Variants in DAW1 observed in about 807,000 individuals in gnomAD.
DAW1 encodes dynein assembly factor with WD repeats 1.
Under a neutral mutation model 56.5 loss-of-function variants are expected in DAW1, and 47 were observed. That is an observed-to-expected ratio of 0.83 (90% CI 0.66 to 1.06). The LOEUF is 1.06. Ranked by LOEUF, DAW1 falls within the 50% of genes least tolerant of loss-of-function variation. The probability of loss-of-function intolerance (pLI) is 0.00; values close to 1 mark genes in which losing one functional copy is unlikely to be tolerated. For synonymous variants in DAW1, 190 were observed against 179.0 expected (o/e 1.06, Z -0.49); for missense variants, 505 against 499.3 (o/e 1.01, Z -0.11).
intron 9 of DAW1, among the ~76,000 whole-genome samples, chr2:227,906,569 T>A (rs936044584): frequency 1.3e-5 from 2 of 152,182 alleles, no homozygotes; most frequent in African/African-American, 2.4e-5. Flanking sequence ...ATATCTTATT[T>A]GAGAAGGCAT....
intron 2 of DAW1, chr2:227,887,536 C>CAAGTGGT (rs932010030): frequency 4.6e-5 from 7 of 152,182 alleles, no homozygotes; most frequent in African/African-American, 1.7e-4. Flanking sequence ...GAACATCACA[C>CAAGTGGT]AAGTGGTACA....
chr2:227,901,124 C>A (rs771834227), intron 6 of DAW1, among the ~76,000 whole-genome samples: 10 of 152,070 alleles, frequency 6.6e-5, no homozygotes, highest in Non-Finnish European at 1.2e-4. Context: ...AGTTGGGGAT[C>A]TTGCTGAAAT....
intron 1 of DAW1, among the ~76,000 whole-genome samples, chr2:227,877,512 G>A (rs1054881046): frequency 6.6e-6 from 1 of 152,202 alleles, no homozygotes; most frequent in East Asian, 1.9e-4. Flanking sequence ...TCATATTGGA[G>A]CTCAGTAATC....
chr2:227,909,031 G>A (rs1022917947), intron 10 of DAW1, among the ~76,000 whole-genome samples: 3 of 151,982 alleles, frequency 2.0e-5, no homozygotes, highest in Admixed American at 6.6e-5. Flanking sequence ...AATTTACACT[G>A]TTTTTATCCT....
chr2:227,908,760 C>T (rs1230328255), intron 10 of DAW1, among the ~76,000 whole-genome samples: 1 of 152,144 alleles, frequency 6.6e-6, no homozygotes, highest in Admixed American at 6.6e-5. Flanking sequence ...CTCCATCATC[C>T]TATGTCTCCT....
rs180772229 is a variant in DAW1 at position 227,916,257 on chromosome 2, A to G, written c.974-2523A>G. On this transcript the variant is annotated intron_variant, in intron 10 of 12. Transcript: ENST00000309931. Reference sequence around the variant, plus strand: ...GTACATTAATTTATACTATGTTTACATCAATTTAAAAATACTTATGCATGA... The same window carrying G: ...GTACATTAATTTATACTATGTTTACGTCAATTTAAAAATACTTATGCATGA... Among the ~76,000 whole-genome samples the G allele has an allele frequency of 3.1e-3, 465 of 152,262 alleles. 1 individual carries two copies. The highest frequency in any genetic ancestry group is 5.9e-3 in the Non-Finnish European group (400 of 67,994).
rs112818534 is a variant in DAW1, at chr2:227,910,661, C to T, written c.973+3409C>T. On this transcript the variant is annotated intron_variant, in intron 10 of 12. Transcript: ENST00000309931. ...TGCTATATGTTACTTTATACTATTT[C>T]GGCATCATATTCATAATAACCATTT... Among the ~76,000 whole-genome samples the T allele has an allele frequency of 5.1e-4, 78 of 152,206 alleles. 2 individuals carry two copies. The East Asian group carries it at 6.8e-3, about 13-fold the overall frequency.
At position 227,899,241 on chromosome 2, in the gene DAW1, C is replaced by T. The variant is rs181812623; in HGVS notation, c.540+960C>T. Among the ~76,000 whole-genome samples, 62 of 152,268 alleles carry T rather than the reference C, an allele frequency of 4.1e-4. No homozygotes were observed. The East Asian group carries it at 0.011, about 28-fold the overall frequency. On this transcript the variant is annotated intron_variant, in intron 6 of 12. Coordinates refer to ENST00000309931, the MANE Select transcript of DAW1 (RefSeq NM_178821.3). ...AATTGATCTGATTTTAACAAATCCC[C>T]AAGTTATGTTTTGGTCTGTTAATGG... is the stretch of plus-strand genomic sequence containing the variant.
chr2:227,900,585 A>G (rs1040771168), intron 6 of DAW1, among the ~76,000 whole-genome samples: 1 of 152,158 alleles, frequency 6.6e-6, no homozygotes, highest in Non-Finnish European at 1.5e-5. Context: ...GGTGTTCAGG[A>G]AAGACTTCCC....
intron 1 of DAW1, among the ~76,000 whole-genome samples, chr2:227,877,021 T>G (rs1690899161): frequency 1.3e-5 from 2 of 152,210 alleles, no homozygotes; most frequent in Non-Finnish European, 2.9e-5. Context: ...CATGCCCTTT[T>G]AATATACTGA....
At chr2:227,888,170 C>T (rs1170087584) in intron 2 of DAW1, among the ~76,000 whole-genome samples, 4 of 152,178 alleles carry the variant, frequency 2.6e-5, no homozygotes, top group Non-Finnish European at 5.9e-5. Flanking sequence ...ATCTTTTACA[C>T]ACCCAGTGCT....
intron 4 of DAW1, among the ~76,000 whole-genome samples, chr2:227,893,153 C>G (rs1309309068): frequency 6.6e-6 from 1 of 151,636 alleles, no homozygotes; most frequent in African/African-American, 2.4e-5. Flanking sequence ...ACCTCTAATC[C>G]CAGCTACCTG....
At chr2:227,885,651 T>TA (rs11377802) in intron 2 of DAW1, among the ~76,000 whole-genome samples, 80,506 of 151,810 alleles carry the variant, frequency 0.53, 21,633 homozygotes, top group Admixed American at 0.62. Context: ...TCTAAGGTCT[T>TA]AAAAAAATAA....
chr2:227,903,964 CTT>C (rs940503518), intron 7 of DAW1, among the ~76,000 whole-genome samples: 27 of 149,890 alleles, frequency 1.8e-4, no homozygotes, highest in African/African-American at 6.1e-4. Flanking sequence ...TAAGTATACT[CTT>C]TCTGTTCTCA....
chr2:227,920,430 G>A (rs907858900), intron 11 of DAW1, among the ~76,000 whole-genome samples: 24 of 152,124 alleles, frequency 1.6e-4, no homozygotes, highest in African/African-American at 5.6e-4. Flanking sequence ...CTGGTGATTA[G>A]AGGGGGATGT....
At chr2:227,884,776 G>T (rs546124731) in intron 1 of DAW1, among the ~76,000 whole-genome samples, 8 of 152,178 alleles carry the variant, frequency 5.3e-5, no homozygotes, top group Non-Finnish European at 1.0e-4. Flanking sequence ...GGATGTCACC[G>T]TTGCCCCTTT....
chr2:227,885,467 G>T, intron 2 of DAW1, 44 bp downstream of exon 2: 1 of 1,464,806 alleles, frequency 6.8e-7, no homozygotes, highest in Non-Finnish European at 9.4e-7. Context: ...TCACTGGGAA[G>T]CCTTGACACA....
chr2:227,891,255 G>T lies in DAW1; in HGVS notation c.259G>T (p.Val87Phe), dbSNP rs1691260275. 1.6e-5 allele frequency: 26 copies of T among 1,612,014 alleles called. No individual in the cohort carries two copies. The highest frequency in any genetic ancestry group is 2.0e-5 in the Non-Finnish European group (24 of 1,179,272). The change falls in exon 4 of 13, where the codon GTT (valine) becomes TTT (phenylalanine). Residue 87 changes from valine to phenylalanine, a missense_variant and splice_region_variant. Coordinates refer to ENST00000309931, the MANE Select transcript of DAW1 (RefSeq NM_178821.3). ...AAAATGGTGTTTTCTTTCACTGAAG[G>T]TTCTCAAAGCACATATATTGCCACT... ...NSNHTFYLFK[V>F]LKAHILPLTN...
At chr2:227,902,953 A>G (rs746039060) in intron 6 of DAW1, 49 bp from the exon 7 acceptor site, 25 of 1,563,590 alleles carry the variant, frequency 1.6e-5, no homozygotes, top group Non-Finnish European at 2.0e-5. Context: ...TATAATTAAC[A>G]CTTTGAAACT....
Sources: gnomAD v4.1 joint callset for allele counts (sites outside exome capture counted in the v4.1 genomes callset) on GRCh38, gnomAD v4.1.1 for gene constraint, MANE v1.5 for transcripts, NCBI Gene and HGNC (gene_info 2026-07-23, HGNC 2026-07-21) for gene names.